Variants in SUZ12 observed in about 807,000 individuals in gnomAD.
SUZ12 encodes the protein polycomb protein SUZ12.
SUZ12 carries 17 observed loss-of-function variants against 87.3 expected under a neutral mutation model. The ratio of observed to expected loss-of-function variants is 0.19; its 90% CI spans 0.13 to 0.29. The LOEUF (loss-of-function observed/expected upper bound fraction) is 0.29, where lower values mean the gene tolerates loss of function less well. SUZ12 is among the 10% of genes least tolerant of loss of function. The pLI, the probability that SUZ12 is intolerant of heterozygous loss-of-function variation, is 1.00. For missense variants in SUZ12, 526 were observed against 912.2 expected (o/e 0.58, Z 5.45); for synonymous variants, 253 against 312.4 (o/e 0.81, Z 2.01).
In SUZ12 at chr17:31,966,134, T is replaced by C; in HGVS notation, c.456-13T>C. On this transcript the variant is annotated splice_polypyrimidine_tract_variant and intron_variant, in intron 4 of 15. Coordinates refer to ENST00000322652, the MANE Select transcript of SUZ12 (RefSeq NM_015355.4). ...ATTACAATGATAAAATATTTCCTTT[T>C]TTTTTTTTTTAGCTTGTCAGCTCAT... 1 of 1,566,052 alleles carries C rather than the reference T, an allele frequency of 6.4e-7. No individual in the cohort carries two copies. Among genetic ancestry groups the C allele is most frequent in the Non-Finnish European group, 8.7e-7 (1 of 1,155,236 alleles).
In SUZ12 at chr17:31,979,406, C is replaced by T. The variant is rs9901921; in HGVS notation, c.917+2792C>T. ...ACAATACTATCTCCCCAGTTGACCTCAATAATGTCCTTTATAATTTGTCCT... is the reference window on the plus strand; with the variant it reads ...ACAATACTATCTCCCCAGTTGACCTTAATAATGTCCTTTATAATTTGTCCT... On this transcript the variant is annotated intron_variant, in intron 8 of 15. Coordinates refer to ENST00000322652, the MANE Select transcript of SUZ12 (RefSeq NM_015355.4). Among the ~76,000 whole-genome samples, 1,292 of 152,286 alleles carry T rather than the reference C, an allele frequency of 8.5e-3. 17 individuals carry two copies. The highest frequency in any genetic ancestry group is 0.03 in the African/African-American group (1,234 of 41,566).
chr17:31,958,570 A>G (rs948560024), intron 4 of SUZ12, among the ~76,000 whole-genome samples: 1 of 151,904 alleles, frequency 6.6e-6, no homozygotes, highest in African/African-American at 2.4e-5. Context: ...AAATTAGGCC[A>G]GGTGCGGTGG....
At chr17:31,977,019 GT>G (rs1379363960) in intron 8 of SUZ12, among the ~76,000 whole-genome samples, 1 of 152,198 alleles carries the variant, frequency 6.6e-6, no homozygotes, top group Non-Finnish European at 1.5e-5. Flanking sequence ...AATGGTTACT[GT>G]TTTAGAGAGA....
rs1909850543 is a variant in SUZ12 at position 31,994,004 on chromosome 17, A to G, written c.1433A>G (p.Tyr478Cys). ...KLCHSRFIFNYVYHPKGARID... is the reference protein window; with the variant it reads ...KLCHSRFIFNCVYHPKGARID... ...TGCCATAGCAGATTTATCTTCAACTATGTTGTGAGTAATTTTTCATATTTT... is the reference window on the plus strand; with the variant it reads ...TGCCATAGCAGATTTATCTTCAACTGTGTTGTGAGTAATTTTTCATATTTT... The change falls in exon 12 of 16, where the codon TAT (tyrosine) becomes TGT (cysteine). Residue 478 changes from tyrosine (Y) to cysteine (C), a missense_variant. By Grantham distance (194) the Tyr-to-Cys change is radical. Transcript: ENST00000322652. 4 of 1,609,886 alleles carry G rather than the reference A, an allele frequency of 2.5e-6. No individual in the cohort carries two copies. The highest frequency in any genetic ancestry group is 3.4e-6 in the Non-Finnish European group (4 of 1,178,914).
intron 8 of SUZ12, among the ~76,000 whole-genome samples, chr17:31,982,127 A>C (rs1263979421): frequency 6.6e-6 from 1 of 152,202 alleles, no homozygotes. Flanking sequence ...ATATTGTGTG[A>C]ATATATTTGA....
intron 4 of SUZ12, among the ~76,000 whole-genome samples, chr17:31,955,782 A>G (rs1360990117): frequency 1.3e-5 from 2 of 151,920 alleles, no homozygotes; most frequent in Admixed American, 6.6e-5. Flanking sequence ...TTGTCTTGTC[A>G]TGTTGCCCAA....
chr17:31,995,871 A>AG lies in SUZ12; in HGVS notation c.1794+109_1794+110insG. ...GTAAAGGAACTTTTTTTAAAAAAAAAAAAAGGAATCCGGAAATGTACAGGT... is the reference window on the plus strand; with the variant it reads ...GTAAAGGAACTTTTTTTAAAAAAAAAGAAAAGGAATCCGGAAATGTACAGGT... On this transcript the variant is annotated intron_variant, in intron 14 of 15. Transcript: ENST00000322652. The AG allele has an allele frequency of 5.9e-6, 5 of 854,510 alleles. No individual in the cohort carries two copies. In the South Asian group the frequency reaches 9.2e-5, roughly 16 times the overall value. The allele number at this position is 854,510 out of a possible 1,614,324, so 52.9% of individuals were successfully genotyped here.
intron 5 of SUZ12, 155 bp downstream of exon 5, chr17:31,966,351 A>G: frequency 2.9e-6 from 2 of 700,786 alleles, no homozygotes; most frequent in East Asian, 2.9e-5. Context: ...ATGAAGGCTA[A>G]TGATGAAATT....
chr17:31,953,201 G>A (rs1345223428), intron 4 of SUZ12, among the ~76,000 whole-genome samples: 2 of 152,038 alleles, frequency 1.3e-5, no homozygotes, highest in Non-Finnish European at 2.9e-5. Flanking sequence ...CGCCTCCCAG[G>A]TTCAAGCAAT....
At chr17:31,953,692 G>A (rs1374960642) in intron 4 of SUZ12, among the ~76,000 whole-genome samples, 1 of 150,070 alleles carries the variant, frequency 6.7e-6, no homozygotes, top group Non-Finnish European at 1.5e-5. Flanking sequence ...ACAGGAATGA[G>A]CCCGCATGCC....
chr17:31,977,900 G>GAA (rs1908855744), intron 8 of SUZ12, among the ~76,000 whole-genome samples: 1 of 152,082 alleles, frequency 6.6e-6, no homozygotes, highest in Admixed American at 6.6e-5. Flanking sequence ...AAAAAGAAAA[G>GAA]AAAAGAAAAT....
At chr17:31,977,273 C>CTTTTT (rs762777458) in intron 8 of SUZ12, among the ~76,000 whole-genome samples, 1 of 117,336 alleles carries the variant, frequency 8.5e-6, no homozygotes. Flanking sequence ...GAGATCCCAT[C>CTTTTT]TTTTTTTTTT....
In SUZ12 at chr17:31,975,544, C is replaced by T. The variant is rs769630194; in HGVS notation, c.654C>T (p.Asp218=). 8.1e-6 allele frequency: 13 copies of T among 1,613,758 alleles called. No individual in the cohort carries two copies. The highest frequency in any genetic ancestry group is 1.7e-5 in the Admixed American group (1 of 59,986). Residue 218 remains aspartate (D), a synonymous_variant, in exon 7 of 16, where the codon GAC becomes GAT. Coordinates refer to ENST00000322652, the MANE Select transcript of SUZ12 (RefSeq NM_015355.4). ...TGKKQVPLNP[D]LNQTKPGNFP... is the part of the protein sequence containing the mutation. ...AAAAGCAGGTGCCTTTGAATCCTGA[C>T]CTCAATCAAACAAAACCCGGAAATT...
intron 4 of SUZ12, chr17:31,965,610 G>T (rs1470297222): frequency 2.6e-5 from 4 of 152,198 alleles, no homozygotes; most frequent in African/African-American, 9.7e-5. Flanking sequence ...TAAAGTAATG[G>T]TTCTGTATCA....
rs183372560 is a variant in SUZ12, at chr17:31,953,188, C to T, written c.455+5503C>T. Among the ~76,000 whole-genome samples the T allele has an allele frequency of 4.2e-3, 635 of 152,228 alleles. 2 individuals carry two copies. The highest frequency in any genetic ancestry group is 0.015 in the African/African-American group (606 of 41,530). On this transcript the variant is annotated intron_variant, in intron 4 of 15. Transcript: ENST00000322652. ...TGGCATGATCTTGGCTCACTGCAAC[C>T]TCCGCCTCCCAGGTTCAAGCAATTC...
At chr17:31,974,201 C>G (rs1046615324) in intron 6 of SUZ12, among the ~76,000 whole-genome samples, 4 of 149,564 alleles carry the variant, frequency 2.7e-5, no homozygotes, top group African/African-American at 9.8e-5. Context: ...CAGAGTGAAA[C>G]TGTCTCAAGA....
At chr17:31,988,044 CTG>C (rs1383820128) in intron 9 of SUZ12, among the ~76,000 whole-genome samples, 1 of 152,104 alleles carries the variant, frequency 6.6e-6, no homozygotes, top group Non-Finnish European at 1.5e-5. Context: ...GAAAATCTGT[CTG>C]TGTTGGACGA....
chr17:31,988,514 A>G lies in SUZ12; in HGVS notation c.1201+17A>G, dbSNP rs901973125. On this transcript the variant is annotated intron_variant, in intron 10 of 15. Coordinates refer to ENST00000322652, the MANE Select transcript of SUZ12 (RefSeq NM_015355.4). ...AAACTATTGGTAAGAAAACATTGCA[A>G]TCAAAATAATAAAATAATGGTTTGC... The G allele has an allele frequency of 6.3e-7, 1 of 1,580,442 alleles. No homozygotes were observed. The highest frequency in any genetic ancestry group is 1.4e-5 in the African/African-American group (1 of 72,760).
chr17:31,938,469 A>G (rs1222684824), intron 1 of SUZ12, among the ~76,000 whole-genome samples: 3 of 152,220 alleles, frequency 2.0e-5, no homozygotes, highest in Non-Finnish European at 4.4e-5. Flanking sequence ...GTGCTTAGAA[A>G]GACGTATTAC....
Sources: gnomAD v4.1 joint callset for allele counts (sites outside exome capture counted in the v4.1 genomes callset) on GRCh38, gnomAD v4.1.1 for gene constraint, MANE v1.5 for transcripts, NCBI Gene and HGNC (gene_info 2026-07-23, HGNC 2026-07-21) for gene names.